Variants in SORBS2 observed in about 807,000 individuals in gnomAD.
SORBS2 encodes the protein sorbin and SH3 domain-containing protein 2.
A neutral mutation model predicts 97.7 loss-of-function variants in SORBS2; 46 were observed. The ratio of observed to expected loss-of-function variants is 0.47; its 90% confidence interval spans 0.37 to 0.60. The LOEUF is 0.60. Among genes scored for constraint, SORBS2 ranks in the 20% least tolerant of loss-of-function variants. The pLI is 0.00. For missense variants in SORBS2, 1,316 were observed against 1,282.3 expected, an observed-to-expected ratio of 1.03 and a Z score of -0.40; for synonymous variants, 476 against 473.4, an observed-to-expected ratio of 1.01 and a Z score of -0.07.
intron 1 of SORBS2, among the ~76,000 whole-genome samples, chr4:185,826,118 T>C (rs2099199604): frequency 6.6e-6 from 1 of 152,234 alleles, no homozygotes; most frequent in Non-Finnish European, 1.5e-5. Flanking sequence ...CAGCGACACC[T>C]CATGAAATGT....
intron 2 of SORBS2, 81 bp from the exon 6 acceptor site, chr4:185,678,903 A>C: frequency 1.3e-6 from 1 of 765,790 alleles, no homozygotes; most frequent in Non-Finnish European, 2.0e-6. Flanking sequence ...GCAAAGAACT[A>C]TATGCATTGT....
intron 2 of SORBS2, among the ~76,000 whole-genome samples, chr4:185,709,375 G>A (rs2098397198): frequency 7.8e-6 from 1 of 127,698 alleles, no homozygotes; most frequent in African/African-American, 3.0e-5. Flanking sequence ...CTTACATTTT[G>A]TTGACACTAA....
chr4:185,761,853 C>A (rs1249457944), intron 2 of SORBS2, among the ~76,000 whole-genome samples: 1 of 152,182 alleles, frequency 6.6e-6, no homozygotes, highest in African/African-American at 2.4e-5. Flanking sequence ...TATGTCTAAA[C>A]ACAATGCACT....
chr4:185,620,100 C>G (rs1419184884), exon 8 of SORBS2: 2 of 1,612,486 alleles, frequency 1.2e-6, no homozygotes, highest in East Asian at 2.2e-5. Context: ...CCTTGGTGCA[C>G]TTCTCCCCAT....
chr4:185,659,583 A>AT (rs34425567), upstream of SORBS2, among the ~76,000 whole-genome samples: 51,293 of 148,442 alleles, frequency 0.35, 10,675 homozygotes, highest in Admixed American at 0.49. Flanking sequence ...CGCCCAGCTA[A>AT]TTTTTTTTTT....
chr4:185,718,803 TGA>T (rs370472225), intron 2 of SORBS2, among the ~76,000 whole-genome samples: 133 of 152,282 alleles, frequency 8.7e-4, no homozygotes, highest in African/African-American at 3.0e-3. Context: ...GTTTGCAAAG[TGA>T]GAGAGTCAGA....
chr4:185,855,905 T>C (rs1337197868), intron 1 of SORBS2, among the ~76,000 whole-genome samples: 1 of 152,214 alleles, frequency 6.6e-6, no homozygotes, highest in East Asian at 1.9e-4. Context: ...AGGCACTGCC[T>C]TGGCTGTTAG....
At chr4:185,943,142 T>C (rs943799476) in intron 1 of SORBS2, among the ~76,000 whole-genome samples, 1 of 152,244 alleles carries the variant, frequency 6.6e-6, no homozygotes, top group Non-Finnish European at 1.5e-5. Context: ...AATAATTTCC[T>C]CATAGATCAC....
At chr4:185,873,667 A>G (rs566081482) in intron 1 of SORBS2, among the ~76,000 whole-genome samples, 32 of 152,310 alleles carry the variant, frequency 2.1e-4, no homozygotes, top group African/African-American at 7.2e-4. Flanking sequence ...CTTTAGAGAA[A>G]GACTGGGGTT....
chr4:185,704,786 A>G (rs2098318961), intron 2 of SORBS2, among the ~76,000 whole-genome samples: 1 of 152,114 alleles, frequency 6.6e-6, no homozygotes, highest in Non-Finnish European at 1.5e-5. Flanking sequence ...CCCACAGTTC[A>G]TTTGCCCAAG....
intron 1 of SORBS2, among the ~76,000 whole-genome samples, chr4:185,879,639 G>C (rs35318302): frequency 0.28 from 42,424 of 152,038 alleles, 6,170 homozygotes; most frequent in East Asian, 0.54. Context: ...CCCACCAACA[G>C]TGTAAAAGTG....
At chr4:185,656,057 C>G (rs1038917098) in intron 1 of SORBS2, among the ~76,000 whole-genome samples, 7 of 152,110 alleles carry the variant, frequency 4.6e-5, no homozygotes, top group Non-Finnish European at 1.0e-4. Flanking sequence ...CATTTTGAGT[C>G]AGAAATCTTA....
chr4:185,639,836 C>T (rs1047400150), intron 4 of SORBS2, among the ~76,000 whole-genome samples: 17 of 152,182 alleles, frequency 1.1e-4, no homozygotes, highest in African/African-American at 3.9e-4. Context: ...ATATCATTTG[C>T]TTACAATTCT....
exon 15 of SORBS2, chr4:185,587,524 G>T: frequency 1.0e-6 from 1 of 970,526 alleles, no homozygotes. Flanking sequence ...ACGGCGCATT[G>T]GAAACCGTAA....
intron 1 of SORBS2, among the ~76,000 whole-genome samples, chr4:185,814,636 C>T (rs144288618): frequency 5.3e-5 from 8 of 152,184 alleles, no homozygotes; most frequent in Admixed American, 3.3e-4. Context: ...CTTCTTGTAT[C>T]TCCTCCTCCC....
intron 1 of SORBS2, among the ~76,000 whole-genome samples, chr4:185,890,273 A>G (rs2099241799): frequency 6.6e-6 from 1 of 152,212 alleles, no homozygotes; most frequent in Non-Finnish European, 1.5e-5. Context: ...TGAATCAAGT[A>G]TATTCCATTC....
intron 1 of SORBS2, among the ~76,000 whole-genome samples, chr4:185,907,925 T>C (rs1451900554): frequency 7.9e-5 from 12 of 152,154 alleles, no homozygotes; most frequent in Non-Finnish European, 5.9e-5. Flanking sequence ...TTTAAGAGAA[T>C]TGAAACAATC....
intron 1 of SORBS2, among the ~76,000 whole-genome samples, chr4:185,797,860 G>A (rs952445036): frequency 3.3e-5 from 5 of 152,170 alleles, no homozygotes; most frequent in African/African-American, 7.2e-5. Flanking sequence ...ATGTTCACCT[G>A]CAGACAATGC....
chr4:185,731,856 CTCTCTCTCTCTATATATATA>C (rs1181438773), intron 2 of SORBS2, among the ~76,000 whole-genome samples: 39 of 35,308 alleles, frequency 1.1e-3, no homozygotes, highest in African/African-American at 2.6e-3. Context: ...CTCTCTCTCT[CTCTCTCTCTCTATATATATA>C]TATATATATA....
Sources: allele counts gnomAD v4.1 joint callset (sites outside exome capture counted in the v4.1 genomes callset), GRCh38; gene constraint gnomAD v4.1.1; transcripts MANE v1.5; gene names NCBI Gene and HGNC (gene_info 2026-07-23, HGNC 2026-07-21).